The following TRPM3 variants were observed in gnomAD, a reference collection of about 807,000 sequenced individuals.
The protein encoded by TRPM3 is long transient receptor potential channel 3.
A neutral mutation model predicts 181.2 loss-of-function variants in TRPM3; 77 were observed. The ratio of observed to expected loss-of-function variants is 0.42; its 90% CI spans 0.35 to 0.51. The LOEUF is 0.51. Ranked by LOEUF, TRPM3 falls within the 20% of genes least tolerant of loss-of-function variation. The pLI is 0.01. For synonymous variants in TRPM3, 745 were observed against 796.4 expected (o/e 0.94, Z 1.09); for missense variants, 1,759 against 2,196.7 (o/e 0.80, Z 3.98).
chr9:71,346,547 A>G (rs2091304815), intron 1 of TRPM3, among the ~76,000 whole-genome samples: 2 of 152,230 alleles, frequency 1.3e-5, no homozygotes, highest in African/African-American at 4.8e-5. Flanking sequence ...CAGCTGTTGT[A>G]AACTAGAAAA....
Position 71,121,223 on chromosome 9 carries a change from C to T in TRPM3, c.132G>A (p.Arg44=). The change falls in exon 1 of 26, where the codon CGG becomes CGA. Residue 44 remains arginine (R), a synonymous_variant. Coordinates refer to ENST00000677713, the MANE Select transcript of TRPM3 (RefSeq NM_001366145.2). The part of the protein sequence containing the change: ...DAPRPLNWTI[R]KLCHAAFLPS... Reference sequence around the variant, plus strand: ...GAAGAAAGGCTGCGTGGCACAGCTTCCGGATGGTCCAGTTTAGGGGTCGAG... The same window carrying T: ...GAAGAAAGGCTGCGTGGCACAGCTTTCGGATGGTCCAGTTTAGGGGTCGAG... 6.2e-7 allele frequency: 1 copy of T among 1,614,110 alleles called. No individual in the cohort carries two copies. The highest frequency in any genetic ancestry group is 8.5e-7 in the Non-Finnish European group (1 of 1,179,984).
In TRPM3 at chr9:70,604,266, T is replaced by G. The variant is rs531555736; in HGVS notation, c.2668-796A>C. On this transcript the variant is annotated intron_variant, in intron 19 of 25. Transcript: ENST00000677713. ...GGGTTTGGTGACTGCTCCTGGAAGA[T>G]TCAGTTGTGTCAAGGTGAGTGAAGT... Among the ~76,000 whole-genome samples, 3 of 152,214 alleles carry G rather than the reference T, an allele frequency of 2.0e-5. No individual in the cohort carries two copies. In the South Asian group the frequency reaches 6.2e-4, roughly 32 times the overall value.
At chr9:71,276,519 T>G (rs1419516568) in intron 1 of TRPM3, among the ~76,000 whole-genome samples, 1 of 152,084 alleles carries the variant, frequency 6.6e-6, no homozygotes, top group African/African-American at 2.4e-5. Flanking sequence ...ATCACAAATT[T>G]TACAAGAGAG....
At chr9:70,878,823 T>C (rs1042900308) in intron 1 of TRPM3, among the ~76,000 whole-genome samples, 13 of 152,072 alleles carry the variant, frequency 8.5e-5, no homozygotes, top group African/African-American at 3.1e-4. Flanking sequence ...TGCTGATTCA[T>C]AGGCCCCCAA....
At chr9:71,329,447 G>T (rs1301524976) in intron 1 of TRPM3, among the ~76,000 whole-genome samples, 1 of 152,164 alleles carries the variant, frequency 6.6e-6, no homozygotes, top group African/African-American at 2.4e-5. Context: ...AAGCCTTATA[G>T]GTGAGCTGAA....
At chr9:71,109,301 T>G (rs74887563) in intron 1 of TRPM3, among the ~76,000 whole-genome samples, 1,907 of 152,070 alleles carry the variant, frequency 0.013, 37 homozygotes, top group African/African-American at 0.043. Context: ...TGGTTTGTTT[T>G]TTTTTTTCTG....
intron 1 of TRPM3, among the ~76,000 whole-genome samples, chr9:70,992,879 G>A (rs1051075428): frequency 5.9e-5 from 9 of 152,142 alleles, no homozygotes; most frequent in East Asian, 1.9e-4. Flanking sequence ...CTGAGGTGTC[G>A]GGAAGGTATT....
intron 1 of TRPM3, among the ~76,000 whole-genome samples, chr9:71,221,534 T>C (rs2080240721): frequency 6.6e-6 from 1 of 152,198 alleles, no homozygotes; most frequent in Non-Finnish European, 1.5e-5. Context: ...TTTTAAGTCA[T>C]GAGAAATCTG....
rs769539814 is a variant in TRPM3 at position 70,761,529 on chromosome 9, G to A, written c.1272+72C>T. The A allele has an allele frequency of 3.2e-5, 52 of 1,607,682 alleles. No homozygotes were observed. The African/African-American group carries it at 5.9e-4, about 18-fold the overall frequency. On this transcript the variant is annotated intron_variant, in intron 8 of 25. Transcript: ENST00000677713. ...AAAGAGAGAATGTTGCATGATTTGA[G>A]AAAATGTTGTGTGATTCAAGAAAAT...
At chr9:70,563,266 C>T (rs1233068750) in intron 22 of TRPM3, among the ~76,000 whole-genome samples, 1 of 152,158 alleles carries the variant, frequency 6.6e-6, no homozygotes, top group African/African-American at 2.4e-5. Flanking sequence ...TGATTGAGCC[C>T]AGCCCAGACC....
intron 1 of TRPM3, among the ~76,000 whole-genome samples, chr9:70,954,661 C>T (rs1258740478): frequency 6.6e-6 from 1 of 152,070 alleles, no homozygotes; most frequent in Non-Finnish European, 1.5e-5. Flanking sequence ...TTAAAAAAAA[C>T]TCTGATTTAG....
Position 70,849,888 on chromosome 9 carries a change from T to G in TRPM3, c.463-3297A>C, listed in dbSNP as rs2095154507. 2.0e-5 allele frequency among the ~76,000 whole-genome samples: 3 copies of G among 152,292 alleles called. No individual in the cohort carries two copies. In the South Asian group the frequency reaches 6.2e-4, roughly 32 times the overall value. Reference sequence around the variant, plus strand: ...CCCATTGTTTCAAAGCCTCAAAAATTGTTTCTCTATTCTTTCGTTAAAGTA... The same window carrying G: ...CCCATTGTTTCAAAGCCTCAAAAATGGTTTCTCTATTCTTTCGTTAAAGTA... On this transcript the variant is annotated intron_variant, in intron 3 of 25. Transcript: ENST00000677713.
At chr9:70,915,255 A>T (rs2096579701) in intron 1 of TRPM3, among the ~76,000 whole-genome samples, 1 of 152,168 alleles carries the variant, frequency 6.6e-6, no homozygotes, top group South Asian at 2.1e-4. Flanking sequence ...AATAATTTTT[A>T]AAAATCAAGG....
chr9:71,331,743 AG>A (rs775293248), intron 1 of TRPM3, among the ~76,000 whole-genome samples: 5,312 of 98,022 alleles, frequency 0.054, 200 homozygotes, highest in East Asian at 0.14. Context: ...AAAAAGGAGG[AG>A]GAGGAAAAGG....
chr9:71,436,037 G>A (rs541712450), intron 1 of TRPM3, among the ~76,000 whole-genome samples: 67 of 152,284 alleles, frequency 4.4e-4, no homozygotes, highest in African/African-American at 1.6e-3. Flanking sequence ...CATGTTGTGG[G>A]AGGGATCCAG....
At chr9:71,020,977 A>C (rs1369814573) in intron 1 of TRPM3, among the ~76,000 whole-genome samples, 2 of 152,188 alleles carry the variant, frequency 1.3e-5, no homozygotes, top group Admixed American at 1.3e-4. Context: ...GGTTAAATAC[A>C]CCCAAATGGC....
chr9:71,188,098 G>T (rs948968172), intron 1 of TRPM3, among the ~76,000 whole-genome samples: 3 of 151,844 alleles, frequency 2.0e-5, no homozygotes, highest in Admixed American at 6.6e-5. Context: ...ACCTTCCTGT[G>T]GGCACAAGTG....
In TRPM3 at chr9:71,152,118, T is replaced by A. The variant is rs2075769136; in HGVS notation, c.184-287607A>T. On this transcript the variant is annotated intron_variant, in intron 1 of 24. Coordinates refer to the TRPM3 transcript ENST00000357533. ...AATAACCAGAAGTGCACGTCCTTAATCACATATAAAACTGTGAACTCCTTG... is the reference window on the plus strand; with the variant it reads ...AATAACCAGAAGTGCACGTCCTTAAACACATATAAAACTGTGAACTCCTTG... 3.3e-5 allele frequency among the ~76,000 whole-genome samples: 5 copies of A among 152,152 alleles called. No homozygotes were observed. In the South Asian group the frequency reaches 1.0e-3, roughly 32 times the overall value.
intron 1 of TRPM3, among the ~76,000 whole-genome samples, chr9:71,142,293 G>C (rs1452771815): frequency 1.3e-5 from 2 of 152,050 alleles, no homozygotes; most frequent in African/African-American, 4.8e-5. Context: ...TCTTTGCAAT[G>C]GTTTCCACTT....
Sources: allele counts gnomAD v4.1 joint callset (sites outside exome capture counted in the v4.1 genomes callset), GRCh38; gene constraint gnomAD v4.1.1; transcripts MANE v1.5; gene names NCBI Gene and HGNC (gene_info 2026-07-23, HGNC 2026-07-21).